PCDH1: variants seen among roughly 807,000 people sequenced by gnomAD.
PCDH1 encodes the protein protocadherin-1.
A neutral mutation model predicts 74.6 loss-of-function variants in PCDH1; 23 were observed. The ratio of observed to expected loss-of-function variants is 0.31; its 90% CI spans 0.22 to 0.44. The LOEUF (loss-of-function observed/expected upper bound fraction) is 0.44, where lower values mean the gene tolerates loss of function less well. PCDH1 is among the 20% of genes least tolerant of loss of function. The pLI is 1.00. For missense variants in PCDH1, 1,214 were observed against 1,641.4 expected (o/e 0.74, Z 4.50); for synonymous variants, 647 against 686.1 (o/e 0.94, Z 0.89).
rs1441724898 is a variant in PCDH1 at position 141,854,150 on chromosome 5, G to A, written c.3606C>T (p.Cys1202=). The change falls in exon 5 of 5, where the codon TGC becomes TGT. Residue 1202 remains cysteine (C), a synonymous_variant. Transcript: ENST00000287008. The stretch of plus-strand genomic sequence containing the variant: ...TTTCCTCCAAGGTGGCCGAGTCCTT[G>A]CAGGAATCATGGCTACTGTGGGAGA... ...SAFSHSSHDS[C]KDSATLEEIP... 6.2e-7 allele frequency: 1 copy of A among 1,601,972 alleles called. No individual in the cohort carries two copies. The highest frequency in any genetic ancestry group is 2.2e-5 in the East Asian group (1 of 44,634).
rs932418885 is a variant in PCDH1 at position 141,853,828 on chromosome 5, A to AG, written c.*213dup. The AG allele has an allele frequency of 7.0e-5, 29 of 416,292 alleles. No homozygotes were observed. The highest frequency in any genetic ancestry group is 1.1e-4 in the Non-Finnish European group (27 of 236,766). 25.8% of individuals were successfully genotyped at this position (416,292 alleles called of 1,614,324 possible). A position where few individuals can be genotyped will look rare whatever the true frequency, so the allele number is the denominator to read the frequency against. ...GATGGGGGAAGCCCCATAAAGGGGAAGGGGCCCCTGGGGGCTGGGAGATGG... is the reference window on the plus strand; with the variant it reads ...GATGGGGGAAGCCCCATAAAGGGGAAGGGGGCCCCTGGGGGCTGGGAGATGG... On this transcript the variant is annotated 3_prime_UTR_variant, in exon 5 of 5. Coordinates refer to ENST00000287008, the MANE Select transcript of PCDH1 (RefSeq NM_032420.5).
At chr5:141,877,606 T>C (rs1753273219) in intron 1 of PCDH1, among the ~76,000 whole-genome samples, 1 of 152,180 alleles carries the variant, frequency 6.6e-6, no homozygotes, top group African/African-American at 2.4e-5. Context: ...CCACGGGTTG[T>C]GTGTCGGTGC....
chr5:141,870,155 G>C (rs903633277), intron 1 of PCDH1, among the ~76,000 whole-genome samples: 1 of 152,204 alleles, frequency 6.6e-6, no homozygotes, highest in Non-Finnish European at 1.5e-5. Context: ...GCTTGAATTG[G>C]GCAAGGCTTG....
At chr5:141,866,067 C>T in intron 2 of PCDH1, 1 of 985,700 alleles carries the variant, frequency 1.0e-6, no homozygotes, top group Non-Finnish European at 1.2e-6. Context: ...TGAGTAAAGA[C>T]TCACATGCCC....
rs1335715860 is a variant in PCDH1, at chr5:141,878,378, C to T, written c.-116G>A. On this transcript the variant is annotated 5_prime_UTR_variant, in exon 1 of 5. Coordinates refer to ENST00000287008, the MANE Select transcript of PCDH1 (RefSeq NM_032420.5). The surrounding 1 kb of genome is among the most constrained non-coding windows in gnomAD (Gnocchi z 5.5). ...TGGGCGCAGCAGCCCGGCGGCTTTG[C>T]GTCCGCGCCGCGCTCCCGCTCCCCG... 6 of 741,958 alleles carry T rather than the reference C, an allele frequency of 8.1e-6. No individual in the cohort carries two copies. The highest frequency in any genetic ancestry group is 5.0e-4 in the Middle Eastern group (1 of 2,002). 46.0% of individuals were successfully genotyped at this position (741,958 alleles called of 1,614,324 possible).
At chr5:141,876,216 A>C (rs1227693354) in intron 1 of PCDH1, among the ~76,000 whole-genome samples, 2 of 152,204 alleles carry the variant, frequency 1.3e-5, no homozygotes, top group African/African-American at 4.8e-5. Flanking sequence ...CCCAGCCTCC[A>C]GGAACCCAAG....
intron 1 of PCDH1, among the ~76,000 whole-genome samples, chr5:141,870,345 T>C (rs1477943849): frequency 6.6e-6 from 1 of 152,214 alleles, no homozygotes; most frequent in Non-Finnish European, 1.5e-5. Flanking sequence ...CTCTCCCTCC[T>C]GCTGCCATGG....
intron 1 of PCDH1, among the ~76,000 whole-genome samples, chr5:141,873,685 C>A (rs1302394346): frequency 6.7e-6 from 1 of 150,202 alleles, no homozygotes; most frequent in African/African-American, 2.5e-5. Context: ...GTCTTGATCT[C>A]CTGACCTCGT....
chr5:141,878,149 T>C lies in PCDH1; in HGVS notation c.40+74A>G. 1 of 1,335,504 alleles carries C rather than the reference T, an allele frequency of 7.5e-7. No homozygotes were observed. The allele number at this position is 1,335,504 out of a possible 1,614,324, so 82.7% of individuals were successfully genotyped here. On this transcript the variant is annotated intron_variant, in intron 1 of 4. Coordinates refer to ENST00000287008, the MANE Select transcript of PCDH1 (RefSeq NM_032420.5). The surrounding 1 kb of genome is among the most constrained non-coding windows in gnomAD (Gnocchi z 5.5). ...GCGGCCTCGCTCCGCCGAGCGCCCC[T>C]CCCTCAGCTCCCGCCGGCCATGACC...
rs914482025 is a variant in PCDH1, at chr5:141,862,832, T to C, written c.3099+400A>G. 9.3e-6 allele frequency: 10 copies of C among 1,076,450 alleles called. No individual in the cohort carries two copies. In the African/African-American group the frequency reaches 1.7e-4, roughly 18 times the overall value. 66.7% of individuals were successfully genotyped at this position (1,076,450 alleles called of 1,614,324 possible). On this transcript the variant is annotated intron_variant, in intron 3 of 4. Transcript: ENST00000287008. ...ACCCCAGGTCTCCCTGTTTCCCTCCTAGAGAAGCACCTAGGTCTGGTCTGA... is the reference window on the plus strand; with the variant it reads ...ACCCCAGGTCTCCCTGTTTCCCTCCCAGAGAAGCACCTAGGTCTGGTCTGA...
chr5:141,866,024 A>G, intron 2 of PCDH1: 1 of 988,884 alleles, frequency 1.0e-6, no homozygotes, highest in Non-Finnish European at 1.2e-6. Flanking sequence ...GTGAGAAGGT[A>G]TATGTGTTTG....
intron 3 of PCDH1, among the ~76,000 whole-genome samples, chr5:141,858,723 C>T (rs1214651763): frequency 6.6e-6 from 1 of 152,160 alleles, no homozygotes; most frequent in Non-Finnish European, 1.5e-5. Flanking sequence ...CTCAGGGTCC[C>T]TGGAGGCCAG....
intron 1 of PCDH1, among the ~76,000 whole-genome samples, chr5:141,871,031 C>T (rs1753080090): frequency 6.6e-6 from 1 of 152,240 alleles, no homozygotes; most frequent in African/African-American, 2.4e-5. Context: ...TTATTGTCTG[C>T]TCCAATCCCA....
At position 141,853,876 on chromosome 5, in the gene PCDH1, C is replaced by T; in HGVS notation, c.*166G>A. The stretch of plus-strand genomic sequence containing the variant: ...TGGAAATGAGGGGAGAGGACCTGGA[C>T]CCTGCATGGGAGAAGGGCCAGCGTG... On this transcript the variant is annotated 3_prime_UTR_variant, in exon 5 of 5. Coordinates refer to ENST00000287008, the MANE Select transcript of PCDH1 (RefSeq NM_032420.5). 1 of 523,692 alleles carries T rather than the reference C, an allele frequency of 1.9e-6. No individual in the cohort carries two copies. Among genetic ancestry groups the T allele is most frequent in the East Asian group, 3.0e-5 (1 of 32,806 alleles). 32.4% of individuals were successfully genotyped at this position (523,692 alleles called of 1,614,324 possible).
chr5:141,862,491 A>C (rs1460262311), intron 3 of PCDH1, among the ~76,000 whole-genome samples: 1 of 152,108 alleles, frequency 6.6e-6, no homozygotes, highest in Admixed American at 6.5e-5. Flanking sequence ...GTGGATGGCA[A>C]GATGGTAGGC....
intron 2 of PCDH1, chr5:141,866,140 G>A: frequency 1.0e-6 from 1 of 985,484 alleles, no homozygotes; most frequent in Non-Finnish European, 1.2e-6. Context: ...GTGGGTCAGA[G>A]AAGCCCTCCA....
chr5:141,856,489 G>T (rs996164772), intron 4 of PCDH1, among the ~76,000 whole-genome samples: 1 of 152,004 alleles, frequency 6.6e-6, no homozygotes, highest in South Asian at 2.1e-4. Context: ...CTCCAACTTA[G>T]AGAGTCTTTC....
intron 3 of PCDH1, 120 bp from the exon 4 acceptor site, chr5:141,857,591 A>C (rs923666546): frequency 1.4e-6 from 1 of 733,268 alleles, no homozygotes; most frequent in East Asian, 2.7e-5. Context: ...AACCAAGAAG[A>C]GACCCAGGCC....
At chr5:141,874,922 T>C (rs961758693) in intron 1 of PCDH1, among the ~76,000 whole-genome samples, 7 of 151,910 alleles carry the variant, frequency 4.6e-5, no homozygotes, top group African/African-American at 1.7e-4. Flanking sequence ...AGACCTCAGC[T>C]CCTCTCCCCT....
Sources: allele counts gnomAD v4.1 joint callset (sites outside exome capture counted in the v4.1 genomes callset), GRCh38; gene constraint gnomAD v4.1.1; non-coding constraint Gnocchi (gnomAD v3.1); transcripts MANE v1.5; gene names NCBI Gene and HGNC (gene_info 2026-07-23, HGNC 2026-07-21).